HAND1: variants seen among roughly 807,000 people sequenced by gnomAD.
HAND1 encodes heart and neural crest derivatives expressed 1.
A neutral mutation model predicts 14.5 loss-of-function variants in HAND1; 10 were observed. The ratio of observed to expected loss-of-function variants is 0.69; its 90% CI spans 0.42 to 1.17. The LOEUF (loss-of-function observed/expected upper bound fraction) is 1.17. Among genes scored for constraint, HAND1 ranks in the 50% most tolerant of loss-of-function variants. The pLI, the probability that HAND1 is intolerant of heterozygous loss-of-function variation, is 0.00. For missense variants in HAND1, 299 were observed against 298.4 expected (o/e 1.00, Z -0.01); for synonymous variants, 128 against 127.1 (o/e 1.01, Z -0.05).
chr5:154,476,895 T>C (rs1222527909), intron 1 of HAND1, among the ~76,000 whole-genome samples: 1 of 152,182 alleles, frequency 6.6e-6, no homozygotes. Context: ...AACCAGTCCA[T>C]GGGGAGAACC....
At position 154,477,995 on chromosome 5, in the gene HAND1, C is replaced by T. The variant is rs1460357937; in HGVS notation, c.14G>A (p.Gly5Asp). 2 of 1,597,950 alleles carry T rather than the reference C, an allele frequency of 1.3e-6. No homozygotes were observed. The highest frequency in any genetic ancestry group is 1.7e-5 in the Admixed American group (1 of 60,030). Residue 5 changes from glycine (G) to aspartate (D), a missense_variant, in exon 1 of 2, where the codon GGC becomes GAC. Physicochemically the swap from Gly to Asp is moderately conservative, Grantham distance 94. Coordinates refer to ENST00000231121, the MANE Select transcript of HAND1 (RefSeq NM_004821.3). ...ATGGTGGTGATGGTGTGCGTAGCTG[C>T]CCACGAGGTTCATGTTGGAGCGGCT... The part of the protein sequence containing the change: MNLV[G>D]SYAHHHHHHH...
At position 154,477,578 on chromosome 5, in the gene HAND1, G is replaced by A; in HGVS notation, c.431C>T (p.Ala144Val). 6.2e-7 allele frequency: 1 copy of A among 1,614,232 alleles called. No individual in the cohort carries two copies. Among genetic ancestry groups the A allele is most frequent in the Non-Finnish European group, 8.5e-7 (1 of 1,180,032 alleles). Reference sequence around the variant, plus strand: ...CTTGGCCAGCACGTCCATCAGGTAGGCGATGTAGCTGGTGGCTAGGCGCAG... The same window carrying A: ...CTTGGCCAGCACGTCCATCAGGTAGACGATGTAGCTGGTGGCTAGGCGCAG... The part of the protein sequence containing the change: ...KTLRLATSYI[A>V]YLMDVLAKDA... The change falls in exon 1 of 2, where the codon GCC (alanine) becomes GTC (valine). Residue 144 changes from alanine to valine, a missense_variant. Transcript: ENST00000231121.
intron 1 of HAND1, among the ~76,000 whole-genome samples, chr5:154,477,120 T>G (rs1470226427): frequency 2.0e-5 from 3 of 152,142 alleles, no homozygotes; most frequent in African/African-American, 7.2e-5. Context: ...GTAAAGAACT[T>G]TAACACATAT....
rs201149780 is a variant in HAND1 at position 154,477,820 on chromosome 5, G to C, written c.189C>G (p.Pro63=). Residue 63 remains proline (P), a synonymous_variant, in exon 1 of 2, where the codon CCC becomes CCG. Coordinates refer to ENST00000231121, the MANE Select transcript of HAND1 (RefSeq NM_004821.3). ...APDFPAGGPP[P]AAAAAATAYG... ...AGGCGGTGGCGGCTGCAGCGGCCGC[G>C]GGCGGCGGCCCGCCCGCAGGGAAGT... is the stretch of plus-strand genomic sequence containing the variant. 1.6e-5 allele frequency: 25 copies of C among 1,593,048 alleles called. No homozygotes were observed. In the East Asian group the frequency reaches 4.9e-4, roughly 31 times the overall value.
chr5:154,475,907 G>C lies in HAND1; in HGVS notation c.547C>G (p.Gln183Glu), dbSNP rs1757533887. The change falls in exon 2 of 2, where the codon CAG becomes GAG. Residue 183 changes from glutamine (Q) to glutamate (E), a missense_variant. Gln to Glu is a conservative substitution (Grantham distance 29). Coordinates refer to ENST00000231121, the MANE Select transcript of HAND1 (RefSeq NM_004821.3). Reference protein sequence around the residue: ...RESKRKRELQQHEGFPPALGP... With the variant: ...RESKRKRELQEHEGFPPALGP... ...AGGGCAGGAGGAAAACCTTCGTGCTGCTGCTGCCAAAGGACACACAGAAGA... is the reference window on the plus strand; with the variant it reads ...AGGGCAGGAGGAAAACCTTCGTGCTCCTGCTGCCAAAGGACACACAGAAGA... 3 of 1,612,444 alleles carry C rather than the reference G, an allele frequency of 1.9e-6. No individual in the cohort carries two copies. Among genetic ancestry groups the C allele is most frequent in the Non-Finnish European group, 2.5e-6 (3 of 1,178,454 alleles).
In HAND1 at chr5:154,478,057, A is replaced by G; in HGVS notation, c.-49T>C. On this transcript the variant is annotated 5_prime_UTR_variant, in exon 1 of 2. The change abolishes an upstream ATG in the 5' untranslated region. Transcript: ENST00000231121. The surrounding 1 kb of genome is among the most constrained non-coding windows in gnomAD (Gnocchi z 4.5). ...CCGCCAGCCCTATTAACGCCGCTCC[A>G]TGCGCCCCAGAGACTGCCGGGGGCC... 6.3e-7 allele frequency: 1 copy of G among 1,594,464 alleles called. No homozygotes were observed.
chr5:154,475,885 G>A lies in HAND1; in HGVS notation c.569C>T (p.Ala190Val), dbSNP rs756586663. 11 of 1,613,960 alleles carry A rather than the reference G, an allele frequency of 6.8e-6. No individual in the cohort carries two copies. The highest frequency in any genetic ancestry group is 9.3e-6 in the Non-Finnish European group (11 of 1,179,812). ...ELQQHEGFPP[A>V]LGPVEKRIKG... is the part of the protein sequence containing the mutation. ...AATCCTCTTCTCGACTGGGCCCAGG[G>A]CAGGAGGAAAACCTTCGTGCTGCTG... Residue 190 changes from alanine (A) to valine (V), a missense_variant, in exon 2 of 2, where the codon GCC (alanine) becomes GTC (valine). Coordinates refer to ENST00000231121, the MANE Select transcript of HAND1 (RefSeq NM_004821.3).
rs1313460396 is a variant in HAND1 at position 154,477,492 on chromosome 5, G to A, written c.517C>T (p.Arg173Cys). The A allele has an allele frequency of 1.9e-6, 3 of 1,613,908 alleles. No homozygotes were observed. Among genetic ancestry groups the A allele is most frequent in the African/African-American group, 2.7e-5 (2 of 74,874 alleles). Residue 173 changes from arginine to cysteine, a missense_variant, in exon 1 of 2, where the codon CGT becomes TGT. Arg to Cys is a radical substitution (Grantham distance 180). Coordinates refer to ENST00000231121, the MANE Select transcript of HAND1 (RefSeq NM_004821.3). Reference sequence around the variant, plus strand: ...AGCTCCCTTTTCCGCTTGCTCTCACGGCCGCCATCCGCCTTCTTGAGTTCA... The same window carrying A: ...AGCTCCCTTTTCCGCTTGCTCTCACAGCCGCCATCCGCCTTCTTGAGTTCA... ...KAELKKADGG[R>C]ESKRKRELQQ...
At position 154,475,891 on chromosome 5, in the gene HAND1, G is replaced by A; in HGVS notation, c.563C>T (p.Pro188Leu). 6.2e-7 allele frequency: 1 copy of A among 1,613,868 alleles called. No individual in the cohort carries two copies. Among genetic ancestry groups the A allele is most frequent in the Non-Finnish European group, 8.5e-7 (1 of 1,179,716 alleles). The change falls in exon 2 of 2, where the codon CCT (proline) becomes CTT (leucine). Residue 188 changes from proline (P) to leucine (L), a missense_variant. Coordinates refer to ENST00000231121, the MANE Select transcript of HAND1 (RefSeq NM_004821.3). ...KRELQQHEGF[P>L]PALGPVEKRI... ...CTTCTCGACTGGGCCCAGGGCAGGA[G>A]GAAAACCTTCGTGCTGCTGCTGCCA...
Position 154,477,772 on chromosome 5 carries a change from C to T in HAND1, c.237G>A (p.Gly79=), listed in dbSNP as rs1415491664. ...ATAYGPDARP[G]QSPGRLEALG... is the part of the protein sequence containing the mutation. ...GCGCCTCCAGCCGCCCGGGGCTCTG[C>T]CCAGGCCTGGCGTCAGGACCATAGG... The change falls in exon 1 of 2, where the codon GGG becomes GGA. Residue 79 remains glycine (G), a synonymous_variant. Transcript: ENST00000231121. 3.7e-6 allele frequency: 6 copies of T among 1,605,024 alleles called. No homozygotes were observed. The Admixed American group carries it at 1.0e-4, about 27-fold the overall frequency.
chr5:154,475,769 T>A lies in HAND1; in HGVS notation c.*37A>T. 7.0e-7 allele frequency: 1 copy of A among 1,433,912 alleles called. No individual in the cohort carries two copies. Among genetic ancestry groups the A allele is most frequent in the Non-Finnish European group, 9.8e-7 (1 of 1,019,348 alleles). The allele number at this position is 1,433,912 out of a possible 1,614,324, so 88.8% of individuals were successfully genotyped here. A position where few individuals can be genotyped will look rare whatever the true frequency, so the allele number is the denominator to read the frequency against. On this transcript the variant is annotated 3_prime_UTR_variant, in exon 2 of 2. Transcript: ENST00000231121. ...TCCTCTCCTCCCGGGGCTTCAGGAGTGGCTGGCCTGGCCAGGTCCTCGGCG... is the reference window on the plus strand; with the variant it reads ...TCCTCTCCTCCCGGGGCTTCAGGAGAGGCTGGCCTGGCCAGGTCCTCGGCG...
At chr5:154,476,047 C>A in intron 1 of HAND1, 137 bp from the exon 2 acceptor site, 1 of 735,870 alleles carries the variant, frequency 1.4e-6, no homozygotes, top group South Asian at 1.5e-5. Context: ...AAATAAGTGA[C>A]GGATTTCTGT....
rs768012504 is a variant in HAND1 at position 154,477,828 on chromosome 5, G to A, written c.181C>T (p.Pro61Ser). The A allele has an allele frequency of 1.9e-6, 3 of 1,592,632 alleles. No homozygotes were observed. The highest frequency in any genetic ancestry group is 1.7e-5 in the Admixed American group (1 of 59,314). Residue 61 changes from proline (P) to serine (S), a missense_variant, in exon 1 of 2, where the codon CCG becomes TCG. Transcript: ENST00000231121. ...DAAPDFPAGG[P>S]PPAAAAAATA... ...GCGGCTGCAGCGGCCGCGGGCGGCG[G>A]CCCGCCCGCAGGGAAGTCCGGGGCA... is the stretch of plus-strand genomic sequence containing the variant.
Position 154,477,672 on chromosome 5 carries a change from C to A in HAND1, c.337G>T (p.Ala113Ser). The A allele has an allele frequency of 6.2e-7, 1 of 1,614,240 alleles. No individual in the cohort carries two copies. The highest frequency in any genetic ancestry group is 8.5e-7 in the Non-Finnish European group (1 of 1,180,048). The change falls in exon 1 of 2, where the codon GCA (alanine) becomes TCA (serine). Residue 113 changes from alanine to serine, a missense_variant. Ala to Ser is a moderately conservative substitution (Grantham distance 99, BLOSUM62 1). Coordinates refer to ENST00000231121, the MANE Select transcript of HAND1 (RefSeq NM_004821.3). ...ATGCACTCGCGCAACTCCGCGAATGCGCTGTTAATGCTCTCAGTGCGTCTC... is the reference window on the plus strand; with the variant it reads ...ATGCACTCGCGCAACTCCGCGAATGAGCTGTTAATGCTCTCAGTGCGTCTC... ...ERRRTESINSAFAELRECIPN... is the reference protein window; with the variant it reads ...ERRRTESINSSFAELRECIPN...
rs1757524061 is a variant in HAND1 at position 154,475,377 on chromosome 5, T to C, written c.*429A>G. The C allele has an allele frequency of 5.8e-6, 1 of 173,468 alleles. No homozygotes were observed. Among genetic ancestry groups the C allele is most frequent in the Admixed American group, 5.6e-5 (1 of 17,778 alleles). The allele number at this position is 173,468 out of a possible 1,614,324, so 10.7% of individuals were successfully genotyped here. A position where few individuals can be genotyped will look rare whatever the true frequency, so the allele number is the denominator to read the frequency against. On this transcript the variant is annotated 3_prime_UTR_variant, in exon 2 of 2. Transcript: ENST00000231121. ...AAAGAATTGATTCCTTATTGCATTT[T>C]AATTAGAGAAGACGGCGTCGGGGCG... is the stretch of plus-strand genomic sequence containing the variant.
chr5:154,477,958 G>C lies in HAND1; in HGVS notation c.51C>G (p.His17Gln), dbSNP rs1757575870. ...GTTCGTGGAGCATGGGGTGCGCAGG[G>C]TGCGGGTGGTGATGGTGGTGATGGT... is the stretch of plus-strand genomic sequence containing the variant. The part of the protein sequence containing the change: ...YAHHHHHHHP[H>Q]PAHPMLHEPF... The change falls in exon 1 of 2, where the codon CAC (histidine) becomes CAG (glutamine). Residue 17 changes from histidine to glutamine, a missense_variant. By Grantham distance (24) the His-to-Gln change is conservative. Coordinates refer to ENST00000231121, the MANE Select transcript of HAND1 (RefSeq NM_004821.3). 1 of 1,598,368 alleles carries C rather than the reference G, an allele frequency of 6.3e-7. No individual in the cohort carries two copies. The highest frequency in any genetic ancestry group is 8.5e-7 in the Non-Finnish European group (1 of 1,179,868).
At position 154,478,122 on chromosome 5, in the gene HAND1, G is replaced by A; in HGVS notation, c.-114C>T. On this transcript the variant is annotated 5_prime_UTR_variant, in exon 1 of 2. Transcript: ENST00000231121. The surrounding 1 kb of genome is among the most constrained non-coding windows in gnomAD (Gnocchi z 4.5). ...GAGCCACTACTGGGCGCCGGCTTTG[G>A]GAGAGTCCGGGCAAGGCTGAAAATG... 3.4e-6 allele frequency: 4 copies of A among 1,171,840 alleles called. No individual in the cohort carries two copies. The South Asian group carries it at 5.1e-5, about 15-fold the overall frequency. The allele number at this position is 1,171,840 out of a possible 1,614,324, so 72.6% of individuals were successfully genotyped here.
chr5:154,475,712 C>G lies in HAND1; in HGVS notation c.*94G>C. The G allele has an allele frequency of 1.1e-6, 1 of 930,916 alleles. No individual in the cohort carries two copies. Among genetic ancestry groups the G allele is most frequent in the African/African-American group, 1.6e-5 (1 of 61,682 alleles). The allele number at this position is 930,916 out of a possible 1,614,324, so 57.7% of individuals were successfully genotyped here. A position where few individuals can be genotyped will look rare whatever the true frequency, so the allele number is the denominator to read the frequency against. ...CCGCGGGATGCGTAGCACCAGTCGC[C>G]GGAGCCCAGAGCCTGGCGTTCGCCG... On this transcript the variant is annotated 3_prime_UTR_variant, in exon 2 of 2. Coordinates refer to ENST00000231121, the MANE Select transcript of HAND1 (RefSeq NM_004821.3).
chr5:154,477,435 T>A (rs376435787), intron 1 of HAND1, 31 bp downstream of exon 1: 1 of 1,566,000 alleles, frequency 6.4e-7, no homozygotes, highest in African/African-American at 1.3e-5. Context: ...TCCTGCACCC[T>A]TGGCTGGAGC....
Sources: allele counts gnomAD v4.1 joint callset (sites outside exome capture counted in the v4.1 genomes callset), GRCh38; gene constraint gnomAD v4.1.1; non-coding constraint Gnocchi (gnomAD v3.1); transcripts MANE v1.5; gene names NCBI Gene and HGNC (gene_info 2026-07-23, HGNC 2026-07-21).